PLD1: variants seen among roughly 807,000 people sequenced by gnomAD.
PLD1 encodes choline phosphatase 1.
A neutral mutation model predicts 137.1 loss-of-function variants in PLD1; 112 were observed. The observed-to-expected ratio is 0.82, with a 90% CI of 0.70 to 0.96. The LOEUF (loss-of-function observed/expected upper bound fraction) is 0.96. PLD1 is among the 40% of genes least tolerant of loss of function. The pLI, the probability that PLD1 is intolerant of heterozygous loss-of-function variation, is 0.00. For missense variants in PLD1, 1,321 were observed against 1,342.0 expected, an observed-to-expected ratio of 0.98 and a Z score of 0.24; for synonymous variants, 431 against 454.7, an observed-to-expected ratio of 0.95 and a Z score of 0.66.
At chr3:171,633,993 T>C (rs189767788) in intron 23 of PLD1, among the ~76,000 whole-genome samples, 20 of 152,332 alleles carry the variant, frequency 1.3e-4, no homozygotes, top group Non-Finnish European at 4.4e-5. Context: ...AGTAGAGAAC[T>C]ATATTTCTCT....
Position 171,756,644 on chromosome 3 carries a change from C to A in PLD1, c.-31-18562G>T, listed in dbSNP as rs376887407. 1.0e-3 allele frequency among the ~76,000 whole-genome samples: 155 copies of A among 152,272 alleles called. 4 individuals are homozygous for A. The South Asian group carries it at 0.031, about 31-fold the overall frequency. ...GATTATTGATTCACCATTAAAATGG[C>A]ATTAATATAAAGTGAATAAAAACAT... On this transcript the variant is annotated intron_variant, in intron 1 of 26. Coordinates refer to ENST00000351298, the MANE Select transcript of PLD1 (RefSeq NM_002662.5).
intron 1 of PLD1, among the ~76,000 whole-genome samples, chr3:171,763,006 A>G (rs1721513917): frequency 6.6e-6 from 1 of 152,186 alleles, no homozygotes; most frequent in Non-Finnish European, 1.5e-5. Flanking sequence ...AGCTCATAGT[A>G]AGTGCTTATG....
At chr3:171,675,694 A>T (rs1442281024) in intron 18 of PLD1, among the ~76,000 whole-genome samples, 1 of 152,180 alleles carries the variant, frequency 6.6e-6, no homozygotes, top group African/African-American at 2.4e-5. Flanking sequence ...TGTCCACTAA[A>T]TTTTTATAAT....
At chr3:171,654,033 G>T in intron 21 of PLD1, 1 of 376,152 alleles carries the variant, frequency 2.7e-6, no homozygotes, top group Non-Finnish European at 5.2e-6. Flanking sequence ...CTCTTCTACA[G>T]TTATAAGAAG....
At chr3:171,655,998 A>G (rs1737157119) in intron 21 of PLD1, among the ~76,000 whole-genome samples, 1 of 152,160 alleles carries the variant, frequency 6.6e-6, no homozygotes. Flanking sequence ...GTGCTCTGTC[A>G]AACTCCAAGT....
At chr3:171,746,894 G>T (rs1429319275) in intron 1 of PLD1, among the ~76,000 whole-genome samples, 1 of 152,188 alleles carries the variant, frequency 6.6e-6, no homozygotes, top group Non-Finnish European at 1.5e-5. Context: ...TGGAAGGTTT[G>T]TTCTTTTGCT....
rs1253081963 is a variant in PLD1 at position 171,648,312 on chromosome 3, T to C, written c.2430-3289A>G. On this transcript the variant is annotated intron_variant, in intron 21 of 26. Transcript: ENST00000351298. ...CTTTCAAATGAGTAACATATGCTCA[T>C]AGTACAAAATGTAAGAGGTAGATGA... Among the ~76,000 whole-genome samples the C allele has an allele frequency of 7.2e-5, 11 of 152,248 alleles. No homozygotes were observed. In the East Asian group the frequency reaches 2.1e-3, roughly 29 times the overall value.
At position 171,727,401 on chromosome 3, in the gene PLD1, G is replaced by GAA. The variant is rs567578646; in HGVS notation, c.607-1327_607-1326dup. 3.3e-4 allele frequency among the ~76,000 whole-genome samples: 51 copies of GAA among 152,280 alleles called. No homozygotes were observed. In the East Asian group the frequency reaches 8.9e-3, roughly 26 times the overall value. On this transcript the variant is annotated intron_variant, in intron 6 of 26. Coordinates refer to ENST00000351298, the MANE Select transcript of PLD1 (RefSeq NM_002662.5). ...AGTTCCTTGCATATTCTAGGTAGGT[G>GAA]AAAGCTAGATGTAAATGTGGAGGCA...
chr3:171,714,179 TA>T (rs1717495158), intron 8 of PLD1, 134 bp from the exon 9 acceptor site: 1 of 569,648 alleles, frequency 1.8e-6, no homozygotes, highest in Non-Finnish European at 3.0e-6. Flanking sequence ...ACAGGAGATT[TA>T]TTTTTTTTAA....
intron 23 of PLD1, among the ~76,000 whole-genome samples, chr3:171,622,032 G>C (rs1340293411): frequency 6.6e-6 from 1 of 152,110 alleles, no homozygotes; most frequent in Non-Finnish European, 1.5e-5. Flanking sequence ...TGAATATTCA[G>C]GTATCAGCTG....
intron 6 of PLD1, among the ~76,000 whole-genome samples, chr3:171,726,820 A>T (rs1169918312): frequency 6.6e-6 from 1 of 152,084 alleles, no homozygotes; most frequent in Non-Finnish European, 1.5e-5. Flanking sequence ...ATTATCTCAA[A>T]CCCCTTTGAA....
rs760300433 is a variant in PLD1 at position 171,742,318 on chromosome 3, T to C, written c.-31-4236A>G. Among the ~76,000 whole-genome samples the C allele has an allele frequency of 5.9e-5, 9 of 152,310 alleles. No homozygotes were observed. The South Asian group carries it at 1.0e-3, about 18-fold the overall frequency. ...ATAGCTCAATGCCGCCTTGAACTCCTGAGCTCAAGTGACCTGCCTGCCTCA... is the reference window on the plus strand; with the variant it reads ...ATAGCTCAATGCCGCCTTGAACTCCCGAGCTCAAGTGACCTGCCTGCCTCA... On this transcript the variant is annotated intron_variant, in intron 1 of 26. Transcript: ENST00000351298.
chr3:171,613,524 A>G (rs1732854424), intron 24 of PLD1, among the ~76,000 whole-genome samples: 1 of 152,182 alleles, frequency 6.6e-6, no homozygotes, highest in Non-Finnish European at 1.5e-5. Flanking sequence ...TAATTAATAG[A>G]GTATAATCTC....
At chr3:171,696,476 G>A (rs561388647) in intron 12 of PLD1, among the ~76,000 whole-genome samples, 48 of 152,110 alleles carry the variant, frequency 3.2e-4, no homozygotes, top group Non-Finnish European at 5.3e-4. Context: ...TTTGCCATAC[G>A]TTGGCTATAA....
intron 16 of PLD1, among the ~76,000 whole-genome samples, chr3:171,680,520 C>T (rs1295802034): frequency 6.6e-6 from 1 of 152,082 alleles, no homozygotes; most frequent in Non-Finnish European, 1.5e-5. Flanking sequence ...AGGCGTGAGC[C>T]ACCACACCCG....
chr3:171,782,196 T>A (rs73176179), intron 1 of PLD1, among the ~76,000 whole-genome samples: 3,287 of 152,222 alleles, frequency 0.022, 78 homozygotes, highest in Non-Finnish European at 0.028. Context: ...TAACATATTG[T>A]GGGAAAAAAA....
At chr3:171,765,002 GAA>G (rs1721876011) in intron 1 of PLD1, 3 of 145,136 alleles carry the variant, frequency 2.1e-5, no homozygotes, top group Non-Finnish European at 3.0e-5. Context: ...AAGAAAGAAA[GAA>G]AGAGAAAAAG....
chr3:171,767,246 C>G (rs76552019), intron 1 of PLD1, among the ~76,000 whole-genome samples: 1 of 152,184 alleles, frequency 6.6e-6, no homozygotes, highest in African/African-American at 2.4e-5. Flanking sequence ...ATTCTCCATA[C>G]GGCCTGGCCA....
rs1166107108 is a variant in PLD1, at chr3:171,612,421, T to A, written c.2740A>T (p.Ile914Leu). The A allele has an allele frequency of 6.2e-7, 1 of 1,613,974 alleles. No homozygotes were observed. Among genetic ancestry groups the A allele is most frequent in the Non-Finnish European group, 8.5e-7 (1 of 1,179,952 alleles). ...DNTVIIGSAN[I>L]NDRSMLGKRD... ...TTTCCCAGCATGCTGCGGTCATTTA[T>A]GTTGGCAGAGCCTGTAAGGAGAAAC... is the stretch of plus-strand genomic sequence containing the variant. The change falls in exon 25 of 27, where the codon ATA becomes TTA. Residue 914 changes from isoleucine (I) to leucine (L), a missense_variant. Transcript: ENST00000351298. The surrounding 1 kb of genome is among the most constrained non-coding windows in gnomAD (Gnocchi z 4.1).
Sources: gnomAD v4.1 joint callset for allele counts (sites outside exome capture counted in the v4.1 genomes callset) on GRCh38, gnomAD v4.1.1 for gene constraint, Gnocchi (gnomAD v3.1) non-coding constraint, MANE v1.5 for transcripts, NCBI Gene and HGNC (gene_info 2026-07-23, HGNC 2026-07-21) for gene names.